SP1: variants seen among roughly 807,000 people sequenced by gnomAD.
The protein encoded by SP1 is transcription factor Sp1.
In SP1, 6 loss-of-function variants were observed where a neutral mutation model predicts 66.3. The ratio of observed to expected loss-of-function variants is 0.09; its 90% CI spans 0.05 to 0.18. The LOEUF is 0.18. Ranked by LOEUF, SP1 falls within the 10% of genes least tolerant of loss-of-function variation. The pLI is 1.00. For missense variants in SP1, 848 were observed against 964.5 expected, an observed-to-expected ratio of 0.88 and a Z score of 1.60; for synonymous variants, 417 against 360.8, an observed-to-expected ratio of 1.16 and a Z score of -1.77.
chr12:53,384,995 T>A lies in SP1; in HGVS notation c.1675+1373T>A, dbSNP rs1466400776. Among the ~76,000 whole-genome samples, 70 of 118,556 alleles carry A rather than the reference T, an allele frequency of 5.9e-4. No individual in the cohort carries two copies. The East Asian group carries it at 0.014, about 23-fold the overall frequency. 77.8% of individuals were successfully genotyped at this position (118,556 alleles called of 152,430 possible). A position where few individuals can be genotyped will look rare whatever the true frequency, so the allele number is the denominator to read the frequency against. On this transcript the variant is annotated intron_variant, in intron 3 of 5. Coordinates refer to ENST00000327443, the MANE Select transcript of SP1 (RefSeq NM_138473.3). ...GTGAGACTCTGAAAAAAAAAAAAAA[T>A]ACAAAAATTAGTCGGGTGGCTGGGC... is the stretch of plus-strand genomic sequence containing the variant.
At chr12:53,409,261 T>G (rs1355797519) in intron 4 of SP1, 101 bp from the exon 5 acceptor site, 4 of 915,776 alleles carry the variant, frequency 4.4e-6, no homozygotes, top group Non-Finnish European at 6.6e-6. Flanking sequence ...AAAATAAAAG[T>G]TTGGGTTAGT....
intron 3 of SP1, among the ~76,000 whole-genome samples, chr12:53,388,910 G>A (rs1938286714): frequency 6.6e-6 from 1 of 151,526 alleles, no homozygotes; most frequent in South Asian, 2.1e-4. Flanking sequence ...AGCCCGGGAG[G>A]TTGAGGACGC....
At chr12:53,390,848 T>C (rs1565810813) in intron 3 of SP1, among the ~76,000 whole-genome samples, 1 of 152,208 alleles carries the variant, frequency 6.6e-6, no homozygotes, top group Non-Finnish European at 1.5e-5. Context: ...ATTTTAGTTC[T>C]TAATTAAATA....
intron 3 of SP1, among the ~76,000 whole-genome samples, chr12:53,390,663 A>G (rs917368392): frequency 6.6e-6 from 1 of 152,040 alleles, no homozygotes; most frequent in Non-Finnish European, 1.5e-5. Context: ...AGCCTGGGCA[A>G]CAGAGCTAGA....
chr12:53,384,239 G>A (rs1938176301), intron 3 of SP1, among the ~76,000 whole-genome samples: 1 of 151,644 alleles, frequency 6.6e-6, no homozygotes, highest in Non-Finnish European at 1.5e-5. Context: ...AAAGTGCTGG[G>A]ATTACAGGCG....
chr12:53,394,973 C>T (rs550049008), intron 3 of SP1, among the ~76,000 whole-genome samples: 67 of 151,898 alleles, frequency 4.4e-4, no homozygotes, highest in African/African-American at 1.6e-3. Flanking sequence ...TCAAGCAATC[C>T]TCCGACTCAG....
At chr12:53,410,142 A>G (rs941584627) in intron 5 of SP1, among the ~76,000 whole-genome samples, 2 of 151,964 alleles carry the variant, frequency 1.3e-5, no homozygotes, top group Admixed American at 6.6e-5. Flanking sequence ...CCCTGTCTCT[A>G]CTAAAATTAC....
At chr12:53,380,350 C>A (rs999744021) in intron 1 of SP1, 52 bp downstream of exon 1, 4 of 1,415,358 alleles carry the variant, frequency 2.8e-6, no homozygotes, top group Admixed American at 2.5e-5. Flanking sequence ...TGAGGGGGCG[C>A]GCGCGAGGGC....
intron 3 of SP1, among the ~76,000 whole-genome samples, chr12:53,385,333 C>T (rs750424663): frequency 8.6e-5 from 13 of 151,332 alleles, no homozygotes; most frequent in East Asian, 2.0e-4. Flanking sequence ...CGGTGGCTCA[C>T]GCCTGTAATT....
intron 3 of SP1, among the ~76,000 whole-genome samples, chr12:53,400,752 C>G (rs1275162371): frequency 8.2e-6 from 1 of 121,560 alleles, no homozygotes; most frequent in Non-Finnish European, 1.6e-5. Flanking sequence ...CCACACTGGG[C>G]TAATTTTTTT....
chr12:53,406,344 C>G (rs1372150580), intron 3 of SP1, among the ~76,000 whole-genome samples: 1 of 152,132 alleles, frequency 6.6e-6, no homozygotes, highest in Non-Finnish European at 1.5e-5. Context: ...GATGGAATTA[C>G]AGGCGTGAAC....
At chr12:53,387,133 A>G (rs189731441) in intron 3 of SP1, among the ~76,000 whole-genome samples, 8 of 151,798 alleles carry the variant, frequency 5.3e-5, no homozygotes, top group African/African-American at 1.9e-4. Context: ...GTATTTTTTT[A>G]GTAGCGATTG....
At position 53,411,148 on chromosome 12, in the gene SP1, C is replaced by T. The variant is rs1199394337; in HGVS notation, c.2266C>T (p.Pro756Ser). ...TNMVAMEAIC[P>S]EGIARLANSG... Reference sequence around the variant, plus strand: ...TATGGTAGCCATGGAGGCCATCTGTCCAGAGGGCATTGCCCGTCTTGCCAA... The same window carrying T: ...TATGGTAGCCATGGAGGCCATCTGTTCAGAGGGCATTGCCCGTCTTGCCAA... Residue 756 changes from proline to serine, a missense_variant, in exon 6 of 6, where the codon CCA becomes TCA. Pro to Ser is a moderately conservative substitution (Grantham distance 74). This residue lies in a region of SP1 where 73 missense variants were observed against 91.9 expected (regional missense o/e 0.79). Coordinates refer to ENST00000327443, the MANE Select transcript of SP1 (RefSeq NM_138473.3). 7 of 1,613,886 alleles carry T rather than the reference C, an allele frequency of 4.3e-6. No individual in the cohort carries two copies. The highest frequency in any genetic ancestry group is 1.3e-5 in the African/African-American group (1 of 74,942).
rs1344465064 is a variant in SP1, at chr12:53,413,084, G to A, written c.*1844G>A. The A allele has an allele frequency of 6.6e-6, 1 of 152,474 alleles. No individual in the cohort carries two copies. Among genetic ancestry groups the A allele is most frequent in the African/African-American group, 2.4e-5 (1 of 41,386 alleles). The allele number at this position is 152,474 out of a possible 1,614,324, so 9.4% of individuals were successfully genotyped here. A position where few individuals can be genotyped will look rare whatever the true frequency, so the allele number is the denominator to read the frequency against. On this transcript the variant is annotated 3_prime_UTR_variant, in exon 6 of 6. Coordinates refer to ENST00000327443, the MANE Select transcript of SP1 (RefSeq NM_138473.3). ...TTTTTGTATGTGTGGGTGAATGTGTGTTCATGCCCGTATATGTCTACACAC... is the reference window on the plus strand; with the variant it reads ...TTTTTGTATGTGTGGGTGAATGTGTATTCATGCCCGTATATGTCTACACAC...
In SP1 at chr12:53,415,345, C is replaced by G. The variant is rs942880928; in HGVS notation, c.*4105C>G. ...CAGCCCCCAGGAAGACATTAAGCAG[C>G]CTTAAGCTTAAATTCCTACTCCCTC... On this transcript the variant is annotated 3_prime_UTR_variant, in exon 6 of 6. Transcript: ENST00000327443. The G allele has an allele frequency of 1.3e-5, 2 of 152,314 alleles. No individual in the cohort carries two copies. Among genetic ancestry groups the G allele is most frequent in the African/African-American group, 4.8e-5 (2 of 41,324 alleles). The allele number at this position is 152,314 out of a possible 1,614,324, so 9.4% of individuals were successfully genotyped here. A position where few individuals can be genotyped will look rare whatever the true frequency, so the allele number is the denominator to read the frequency against.
At chr12:53,383,650 T>C in intron 3 of SP1, 28 bp downstream of exon 3, 3 of 1,562,652 alleles carry the variant, frequency 1.9e-6, no homozygotes, top group Admixed American at 1.7e-5. Flanking sequence ...GTGCATTTAT[T>C]GGGAACCAAC....
rs1014380902 is a variant in SP1, at chr12:53,395,967, A to G, written c.1676-10618A>G. On this transcript the variant is annotated intron_variant, in intron 3 of 5. Transcript: ENST00000327443. ...AAACTCCATCTCTACTAAAAATACAAAAATTAGCTGGGTGTGCTGGCGCAC... is the reference window on the plus strand; with the variant it reads ...AAACTCCATCTCTACTAAAAATACAGAAATTAGCTGGGTGTGCTGGCGCAC... Among the ~76,000 whole-genome samples the G allele has an allele frequency of 2.0e-5, 3 of 152,110 alleles. 1 individual carries two copies. Among genetic ancestry groups the G allele is most frequent in the Admixed American group, 2.0e-4 (3 of 15,252 alleles).
At chr12:53,404,017 A>G (rs1042351913) in intron 3 of SP1, among the ~76,000 whole-genome samples, 5 of 151,052 alleles carry the variant, frequency 3.3e-5, no homozygotes, top group African/African-American at 7.3e-5. Flanking sequence ...TAAAAATACA[A>G]AAAGTTAGCC....
intron 3 of SP1, among the ~76,000 whole-genome samples, chr12:53,386,170 A>C (rs1478628699): frequency 6.6e-6 from 1 of 152,078 alleles, no homozygotes; most frequent in Non-Finnish European, 1.5e-5. Context: ...TCACACTAAC[A>C]TATGAGCATC....
Sources: gnomAD v4.1 joint callset for allele counts (sites outside exome capture counted in the v4.1 genomes callset) on GRCh38, gnomAD v4.1.1 for gene constraint, gnomAD v4.1.1 regional missense constraint, MANE v1.5 for transcripts, NCBI Gene and HGNC (gene_info 2026-07-23, HGNC 2026-07-21) for gene names.